Variants in SIPA1L3 observed in about 807,000 individuals in gnomAD.
The protein encoded by SIPA1L3 is signal-induced proliferation-associated 1-like protein 3.
In SIPA1L3, 59 loss-of-function variants were observed where a neutral mutation model predicts 150.1. The ratio of observed to expected loss-of-function variants is 0.39; its 90% CI spans 0.32 to 0.49. The LOEUF (loss-of-function observed/expected upper bound fraction) is 0.49, where lower values mean the gene tolerates loss of function less well. Among genes scored for constraint, SIPA1L3 ranks in the 20% least tolerant of loss-of-function variants. The probability of loss-of-function intolerance (pLI) is 0.86; values close to 1 mark genes in which losing one functional copy is unlikely to be tolerated. For missense variants in SIPA1L3, 2,211 were observed against 2,489.5 expected, an observed-to-expected ratio of 0.89 and a Z score of 2.38; for synonymous variants, 1,070 against 1,077.6, an observed-to-expected ratio of 0.99 and a Z score of 0.14.
rs758881798 is a variant in SIPA1L3, at chr19:38,081,558, C to T, written c.-8C>T. 13 of 1,569,342 alleles carry T rather than the reference C, an allele frequency of 8.3e-6. No homozygotes were observed. The highest frequency in any genetic ancestry group is 5.4e-5 in the African/African-American group (4 of 74,246). ...ACGGGGCCAGCAGCACTCCAGTGCC[C>T]GTGGACTATGACCACCTATCGGGCC... On this transcript the variant is annotated 5_prime_UTR_variant, in exon 3 of 22. Transcript: ENST00000222345.
At chr19:38,177,600 AT>A (rs888144070) in intron 15 of SIPA1L3, among the ~76,000 whole-genome samples, 5 of 152,072 alleles carry the variant, frequency 3.3e-5, no homozygotes, top group East Asian at 3.8e-4. Context: ...CTATCTATAT[AT>A]TTTTTCCCTT....
intron 3 of SIPA1L3, among the ~76,000 whole-genome samples, chr19:38,087,384 G>A (rs1219476347): frequency 1.3e-5 from 2 of 152,096 alleles, no homozygotes; most frequent in East Asian, 1.9e-4. Context: ...TTCTGATCGG[G>A]GTCATTAATT....
intron 12 of SIPA1L3, among the ~76,000 whole-genome samples, chr19:38,145,924 G>T (rs1346570193): frequency 6.6e-6 from 1 of 151,772 alleles, no homozygotes; most frequent in African/African-American, 2.4e-5. Flanking sequence ...GCAATGGCAC[G>T]ATCATATAGC....
intron 8 of SIPA1L3, among the ~76,000 whole-genome samples, chr19:38,112,429 C>G (rs1235926657): frequency 6.6e-6 from 1 of 152,220 alleles, no homozygotes; most frequent in Non-Finnish European, 1.5e-5. Context: ...GACCTCCCCT[C>G]TCCTACTGGG....
Position 38,100,060 on chromosome 19 carries a change from T to C in SIPA1L3, c.1764T>C (p.Tyr588=), listed in dbSNP as rs56110924. 0.027 allele frequency: 43,662 copies of C among 1,612,524 alleles called. 727 individuals are homozygous for C. Among genetic ancestry groups the C allele is most frequent in the Non-Finnish European group, 0.034 (39,680 of 1,179,408 alleles). ...TGCCCTTGAAGGATGCCCTGGAGTATGTCATCCCCGAGCTCAACATCCACT... is the reference window on the plus strand; with the variant it reads ...TGCCCTTGAAGGATGCCCTGGAGTACGTCATCCCCGAGCTCAACATCCACT... The part of the protein sequence containing the change: ...RGLPLKDALE[Y]VIPELNIHCL... The change falls in exon 5 of 22, where the codon TAT becomes TAC. Residue 588 remains tyrosine, a synonymous_variant. Transcript: ENST00000222345.
At chr19:38,057,659 T>C (rs953478763) in intron 2 of SIPA1L3, among the ~76,000 whole-genome samples, 106 of 150,430 alleles carry the variant, frequency 7.0e-4, no homozygotes, top group African/African-American at 2.5e-3. Context: ...TTTTTTTTTT[T>C]CTTTTGAGAC....
chr19:38,094,405 T>A (rs944219424), intron 4 of SIPA1L3, among the ~76,000 whole-genome samples: 2 of 152,136 alleles, frequency 1.3e-5, no homozygotes, highest in Middle Eastern at 3.2e-3. Context: ...TGCACCACCA[T>A]GCCTGGCTAA....
At chr19:38,154,967 C>T (rs1286230380) in intron 13 of SIPA1L3, among the ~76,000 whole-genome samples, 1 of 151,898 alleles carries the variant, frequency 6.6e-6, no homozygotes, top group East Asian at 1.9e-4. Context: ...CAACATGTTG[C>T]CAAGGCTGGT....
At chr19:38,004,217 G>A (rs1967880773) in intron 1 of SIPA1L3, among the ~76,000 whole-genome samples, 1 of 152,182 alleles carries the variant, frequency 6.6e-6, no homozygotes, top group South Asian at 2.1e-4. Flanking sequence ...GGGCAAGTTC[G>A]GCAAGTTGAG....
intron 1 of SIPA1L3, among the ~76,000 whole-genome samples, chr19:37,977,365 A>G (rs998987398): frequency 2.6e-5 from 4 of 152,038 alleles, no homozygotes; most frequent in Non-Finnish European, 4.4e-5. Context: ...GGGTTTTGCC[A>G]TGTTAGCCAG....
rs532285957 is a variant in SIPA1L3 at position 37,958,278 on chromosome 19, A to G, written c.-379+50920A>G. Among the ~76,000 whole-genome samples, 18 of 152,062 alleles carry G rather than the reference A, an allele frequency of 1.2e-4. No homozygotes were observed. The South Asian group carries it at 2.7e-3, about 23-fold the overall frequency. On this transcript the variant is annotated intron_variant, in intron 1 of 21. Transcript: ENST00000222345. ...GCAAAACCCTGCTCTATAAAAAATTAGCTGGGCATGGTGGTGTGCACCTGT... is the reference window on the plus strand; with the variant it reads ...GCAAAACCCTGCTCTATAAAAAATTGGCTGGGCATGGTGGTGTGCACCTGT...
chr19:38,107,791 A>G (rs1970655152), intron 7 of SIPA1L3, among the ~76,000 whole-genome samples: 1 of 152,166 alleles, frequency 6.6e-6, no homozygotes, highest in African/African-American at 2.4e-5. Flanking sequence ...AGCCAGGCCA[A>G]TATGGTGAAA....
chr19:38,083,224 A>G (rs556912697), intron 3 of SIPA1L3, 125 bp downstream of exon 3: 2 of 1,029,008 alleles, frequency 1.9e-6, no homozygotes, highest in African/African-American at 1.6e-5. Context: ...GGGAACAGAG[A>G]CCTCCCTTCT....
intron 10 of SIPA1L3, among the ~76,000 whole-genome samples, chr19:38,135,541 G>A (rs190292974): frequency 4.6e-5 from 7 of 152,294 alleles, no homozygotes; most frequent in East Asian, 3.9e-4. Context: ...CTTGCGCATC[G>A]CATGACTCTC....
At chr19:37,927,521 CGTGTGTGTGTGTGTGTGTGTGT>C (rs144453861) in intron 1 of SIPA1L3, among the ~76,000 whole-genome samples, 2 of 136,758 alleles carry the variant, frequency 1.5e-5, no homozygotes, top group South Asian at 2.5e-4. Context: ...GTCTGTTGTT[CGTGTGTGTGTGTGTGTGTGTGT>C]GTGTGTGTGT....
At chr19:37,992,982 C>T (rs376955716) in intron 1 of SIPA1L3, among the ~76,000 whole-genome samples, 6 of 152,170 alleles carry the variant, frequency 3.9e-5, no homozygotes, top group South Asian at 2.1e-4. Flanking sequence ...TGCGTGACCC[C>T]GGCAGGATCC....
chr19:38,171,362 C>G (rs1972323263), intron 15 of SIPA1L3, among the ~76,000 whole-genome samples: 1 of 151,024 alleles, frequency 6.6e-6, no homozygotes, highest in Admixed American at 6.6e-5. Flanking sequence ...CAACATAGAC[C>G]CATCTCTATC....
At chr19:37,907,877 T>C (rs2046348057) in intron 1 of SIPA1L3, 1 of 152,244 alleles carries the variant, frequency 6.6e-6, no homozygotes, top group African/African-American at 2.4e-5. Context: ...GCAGGCTAGC[T>C]GCTGTTAACC....
chr19:38,120,619 G>A (rs1179702194), intron 9 of SIPA1L3, among the ~76,000 whole-genome samples: 1 of 152,230 alleles, frequency 6.6e-6, no homozygotes, highest in Non-Finnish European at 1.5e-5. Flanking sequence ...TTACATGGCA[G>A]GAATGAGTTC....
Sources: allele counts gnomAD v4.1 joint callset (sites outside exome capture counted in the v4.1 genomes callset), GRCh38; gene constraint gnomAD v4.1.1; transcripts MANE v1.5; gene names NCBI Gene and HGNC (gene_info 2026-07-23, HGNC 2026-07-21).